EIF4A1: variants seen among roughly 807,000 people sequenced by gnomAD.
EIF4A1 encodes the protein eukaryotic translation initiation factor 4A1, also known as eukaryotic initiation factor 4A-I.
EIF4A1 carries 11 observed loss-of-function variants against 53.5 expected under a neutral mutation model. That is an observed-to-expected ratio of 0.21 (90% CI 0.13 to 0.34). The LOEUF is 0.34. EIF4A1 is among the 10% of genes least tolerant of loss of function. The pLI, the probability that EIF4A1 is intolerant of heterozygous loss-of-function variation, is 1.00. For synonymous variants in EIF4A1, 237 were observed against 186.7 expected (o/e 1.27, Z -2.20); for missense variants, 213 against 530.8 (o/e 0.40, Z 5.88).
rs75736809 is a variant in EIF4A1, at chr17:7,576,937, T to C, written c.515-119T>C. 6,152 of 1,376,454 alleles carry C rather than the reference T, an allele frequency of 4.5e-3. 207 individuals carry two copies. In the African/African-American group the frequency reaches 0.077, roughly 17 times the overall value. The allele number at this position is 1,376,454 out of a possible 1,614,324, so 85.3% of individuals were successfully genotyped here. Reference sequence around the variant, plus strand: ...GAAGGTCCTGGGCAAAGGATCAGTCTTTGTACTCTGAGAGCAGACTACTTG... The same window carrying C: ...GAAGGTCCTGGGCAAAGGATCAGTCCTTGTACTCTGAGAGCAGACTACTTG... On this transcript the variant is annotated intron_variant, in intron 5 of 10. Transcript: ENST00000293831.
chr17:7,576,221 T>G (rs2071399780), intron 4 of EIF4A1: 1 of 255,654 alleles, frequency 3.9e-6, no homozygotes. Context: ...GTCAAATTAG[T>G]TTTCAGAAGG....
intron 5 of EIF4A1, 66 bp from the exon 6 acceptor site, chr17:7,576,990 T>C (rs755609827): frequency 1.6e-5 from 25 of 1,576,150 alleles, no homozygotes; most frequent in African/African-American, 1.2e-4. Context: ...ATCAGCGAAG[T>C]TGGATATATC....
chr17:7,575,351 G>T, intron 4 of EIF4A1, 93 bp downstream of exon 4: 1 of 1,574,892 alleles, frequency 6.3e-7, no homozygotes, highest in Non-Finnish European at 8.7e-7. Context: ...TCACCACCTT[G>T]GGAGGAAGAC....
chr17:7,578,136 A>G (rs770121521), intron 9 of EIF4A1, 29 bp from the exon 10 acceptor site: 2 of 1,614,098 alleles, frequency 1.2e-6, no homozygotes, highest in African/African-American at 1.3e-5. Context: ...CTCCGTGCAC[A>G]TGCTGAAGAG....
Position 7,574,547 on chromosome 17 carries a change from G to A in EIF4A1, c.74G>A (p.Ser25Asn). The change falls in exon 3 of 11, where the codon AGT (serine) becomes AAT (asparagine). Residue 25 changes from serine to asparagine, a missense_variant and splice_region_variant. Transcript: ENST00000293831. ...DGMEPEGVIE[S>N]NWNEIVDSFD... ...CTTTAATTTCTTTGCATCCCCTAGA[G>A]TAACTGGAATGAGATTGTTGACAGC... 6.2e-7 allele frequency: 1 copy of A among 1,612,716 alleles called. No homozygotes were observed. Among genetic ancestry groups the A allele is most frequent in the Non-Finnish European group, 8.5e-7 (1 of 1,179,962 alleles).
chr17:7,575,054 C>A, intron 3 of EIF4A1, 65 bp from the exon 4 acceptor site: 1 of 1,595,326 alleles, frequency 6.3e-7, no homozygotes, highest in Non-Finnish European at 8.5e-7. Context: ...CCTCATTAAC[C>A]TAGGACTTGA....
intron 1 of EIF4A1, chr17:7,574,025 A>T (rs2071365354): frequency 1.8e-6 from 1 of 543,156 alleles, no homozygotes; most frequent in East Asian, 3.1e-5. Flanking sequence ...CTGTCTTCAG[A>T]AAGGGTCACC....
rs1046789388 is a variant in EIF4A1 at position 7,576,515 on chromosome 17, T to C, written c.346-9T>C. On this transcript the variant is annotated splice_polypyrimidine_tract_variant and intron_variant, in intron 4 of 10. Coordinates refer to ENST00000293831, the MANE Select transcript of EIF4A1 (RefSeq NM_001416.4). ...ACTGACATATGAGCACCTGCCTCTC[T>C]CTGCTCAGATACAGAAGGTGGTCAT... The C allele has an allele frequency of 6.4e-6, 10 of 1,561,538 alleles. No homozygotes were observed. Among genetic ancestry groups the C allele is most frequent in the Admixed American group, 5.9e-5 (3 of 51,084 alleles).
intron 1 of EIF4A1, chr17:7,573,230 CT>C (rs2071348650): frequency 2.4e-6 from 1 of 414,302 alleles, no homozygotes. Flanking sequence ...GTCCGGTTGC[CT>C]CCCTGTGCCG....
At chr17:7,574,524 T>G (rs928332830) in intron 2 of EIF4A1, 22 bp from the exon 3 acceptor site, 24 of 1,613,034 alleles carry the variant, frequency 1.5e-5, no homozygotes, top group African/African-American at 2.7e-5. Context: ...GACTCAAGCT[T>G]TAATTTCTTT....
Position 7,578,711 on chromosome 17 carries a change from A to AC in EIF4A1, c.*225_*226insC. 1 of 410,564 alleles carries AC rather than the reference A, an allele frequency of 2.4e-6. No individual in the cohort carries two copies. The highest frequency in any genetic ancestry group is 4.2e-6 in the Non-Finnish European group (1 of 237,198). The allele number at this position is 410,564 out of a possible 1,614,324, so 25.4% of individuals were successfully genotyped here. A position where few individuals can be genotyped will look rare whatever the true frequency, so the allele number is the denominator to read the frequency against. On this transcript the variant is annotated 3_prime_UTR_variant, in exon 11 of 11. Coordinates refer to ENST00000293831, the MANE Select transcript of EIF4A1 (RefSeq NM_001416.4). ...GCCGGCTCTTCTCCCAAAAAAAAAAAAAAAACACTAATCCATTTCCCTAAC... is the reference window on the plus strand; with the variant it reads ...GCCGGCTCTTCTCCCAAAAAAAAAAACAAAAACACTAATCCATTTCCCTAAC...
Position 7,577,429 on chromosome 17 carries a change from A to C in EIF4A1, c.710A>C (p.Lys237Thr). ...FMRDPIRILVKKEELTLEGIR... is the reference protein window; with the variant it reads ...FMRDPIRILVTKEELTLEGIR... ...AGGGACCCCATTCGGATTCTTGTCA[A>C]GAAGGAAGAGTTGACCCTGGAGGGT... The change falls in exon 7 of 11, where the codon AAG (lysine) becomes ACG (threonine). Residue 237 changes from lysine (K) to threonine (T), a missense_variant. Physicochemically the swap from Lys to Thr is moderately conservative, Grantham distance 78. Transcript: ENST00000293831. The surrounding 1 kb of genome is among the most constrained non-coding windows in gnomAD (Gnocchi z 4.7). 1 of 1,614,082 alleles carries C rather than the reference A, an allele frequency of 6.2e-7. No individual in the cohort carries two copies. The highest frequency in any genetic ancestry group is 1.3e-5 in the African/African-American group (1 of 75,004).
chr17:7,576,240 T>C, intron 4 of EIF4A1: 1 of 306,742 alleles, frequency 3.3e-6, no homozygotes, highest in Middle Eastern at 9.0e-4. Flanking sequence ...GGTTAAGGGT[T>C]CTAAATATCT....
intron 1 of EIF4A1, 134 bp from the exon 2 acceptor site, chr17:7,574,126 G>T: frequency 2.1e-6 from 2 of 967,776 alleles, no homozygotes; most frequent in Admixed American, 2.4e-5. Flanking sequence ...GGTATTTTTT[G>T]GGAGCTGGTG....
In EIF4A1 at chr17:7,577,306, G is replaced by A. The variant is rs1217537624; in HGVS notation, c.625-38G>A. ...TAGGGAAGGGAGCAGGCCTCAGGAAGGAACCAGCACTCTAAGACTGGCCTT... is the reference window on the plus strand; with the variant it reads ...TAGGGAAGGGAGCAGGCCTCAGGAAAGAACCAGCACTCTAAGACTGGCCTT... On this transcript the variant is annotated intron_variant, in intron 6 of 10. Transcript: ENST00000293831. The surrounding 1 kb of genome is among the most constrained non-coding windows in gnomAD (Gnocchi z 4.7). 1 of 1,610,260 alleles carries A rather than the reference G, an allele frequency of 6.2e-7. No homozygotes were observed.
rs575255819 is a variant in EIF4A1 at position 7,578,700 on chromosome 17, C to CAA, written c.*229_*230dup. ...TTGCCCCAGGCGCCGGCTCTTCTCC[C>CAA]AAAAAAAAAAAAAAAACACTAATCC... On this transcript the variant is annotated 3_prime_UTR_variant, in exon 11 of 11. Coordinates refer to ENST00000293831, the MANE Select transcript of EIF4A1 (RefSeq NM_001416.4). 2,006 of 249,206 alleles carry CAA rather than the reference C, an allele frequency of 8.0e-3. No homozygotes were observed. Among genetic ancestry groups the CAA allele is most frequent in the Middle Eastern group, 0.012 (10 of 856 alleles). The allele number at this position is 249,206 out of a possible 1,614,324, so 15.4% of individuals were successfully genotyped here. A position where few individuals can be genotyped will look rare whatever the true frequency, so the allele number is the denominator to read the frequency against.
At position 7,577,060 on chromosome 17, in the gene EIF4A1, C is replaced by G; in HGVS notation, c.519C>G (p.Pro173=). 6.2e-7 allele frequency: 1 copy of G among 1,614,066 alleles called. No homozygotes were observed. The highest frequency in any genetic ancestry group is 8.5e-7 in the Non-Finnish European group (1 of 1,180,006). ...FDMLNRRYLS[P]KYIKMFVLDE... is the part of the protein sequence containing the mutation. ...GGCTTTTTTTTTCTTCTCTAGCCCC[C>G]AAATACATCAAGATGTTTGTACTGG... is the stretch of plus-strand genomic sequence containing the variant. The change falls in exon 6 of 11, where the codon CCC becomes CCG. Residue 173 remains proline, a synonymous_variant. Coordinates refer to ENST00000293831, the MANE Select transcript of EIF4A1 (RefSeq NM_001416.4). The surrounding 1 kb of genome is among the most constrained non-coding windows in gnomAD (Gnocchi z 4.7).
rs1459057125 is a variant in EIF4A1 at position 7,578,927 on chromosome 17, A to AT, written c.*446dup. 6.3e-6 allele frequency: 1 copy of AT among 158,822 alleles called. No homozygotes were observed. The highest frequency in any genetic ancestry group is 1.9e-4 in the East Asian group (1 of 5,312). 9.8% of individuals were successfully genotyped at this position (158,822 alleles called of 1,614,324 possible). On this transcript the variant is annotated 3_prime_UTR_variant, in exon 11 of 11. Transcript: ENST00000293831. The stretch of plus-strand genomic sequence containing the variant: ...AAGCAGGGGAGAGAAAATGGTAGCC[A>AT]TTTTTACATTGTTTTGTATAGTATT...
At chr17:7,574,448 G>C (rs949143583) in intron 2 of EIF4A1, 98 bp from the exon 3 acceptor site, 2 of 1,601,490 alleles carry the variant, frequency 1.2e-6, no homozygotes, top group African/African-American at 2.7e-5. Context: ...TAAGCTCTGA[G>C]GCTTTTGTTA....
Sources: gnomAD v4.1 joint callset for allele counts on GRCh38, gnomAD v4.1.1 for gene constraint, Gnocchi (gnomAD v3.1) non-coding constraint, MANE v1.5 for transcripts, NCBI Gene and HGNC (gene_info 2026-07-23, HGNC 2026-07-21) for gene names.